Variants in FGF14 observed in about 807,000 individuals in gnomAD.
FGF14 encodes the protein fibroblast growth factor homologous factor 4.
Under a neutral mutation model 25.5 loss-of-function variants are expected in FGF14, and 5 were observed. The ratio of observed to expected loss-of-function variants is 0.20; its 90% CI spans 0.10 to 0.41. The LOEUF is 0.41. Ranked by LOEUF, FGF14 falls within the 10% of genes least tolerant of loss-of-function variation. The probability of loss-of-function intolerance (pLI) is 1.00; values close to 1 mark genes in which losing one functional copy is unlikely to be tolerated. For synonymous variants in FGF14, 138 were observed against 118.3 expected (o/e 1.17, Z -1.08); for missense variants, 222 against 320.1 (o/e 0.69, Z 2.34).
chr13:101,927,499 G>A (rs986415504), intron 1 of FGF14, among the ~76,000 whole-genome samples: 8 of 152,190 alleles, frequency 5.3e-5, no homozygotes, highest in African/African-American at 1.7e-4. Context: ...ATTCATTTAT[G>A]TCATGGGTAT....
chr13:102,243,916 C>T (rs150533147), intron 1 of FGF14, among the ~76,000 whole-genome samples: 67 of 152,082 alleles, frequency 4.4e-4, no homozygotes, highest in African/African-American at 1.5e-3. Context: ...TTTCAAGTCC[C>T]GCTCAGGTTT....
intron 1 of FGF14, among the ~76,000 whole-genome samples, chr13:101,901,168 T>G (rs1198656068): frequency 6.6e-6 from 1 of 151,654 alleles, no homozygotes. Flanking sequence ...TCAAATTTTA[T>G]GAAACAAGAA....
At chr13:101,861,126 T>C (rs2044393945) in intron 3 of FGF14, among the ~76,000 whole-genome samples, 1 of 152,144 alleles carries the variant, frequency 6.6e-6, no homozygotes, top group African/African-American at 2.4e-5. Context: ...CATATTCATC[T>C]TTGTCTCACA....
intron 1 of FGF14, among the ~76,000 whole-genome samples, chr13:102,368,833 G>GT (rs2057791689): frequency 6.6e-6 from 1 of 152,220 alleles, no homozygotes; most frequent in Admixed American, 6.5e-5. Context: ...AAGGAACTAT[G>GT]TAAGATGTGT....
chr13:102,248,561 G>C (rs1594574676), intron 1 of FGF14, among the ~76,000 whole-genome samples: 1 of 152,106 alleles, frequency 6.6e-6, no homozygotes, highest in African/African-American at 2.4e-5. Flanking sequence ...CATAGTGTTT[G>C]TATAAAAGGA....
In FGF14 at chr13:101,716,463, A is replaced by G. The variant is rs1334357238; in HGVS notation, c.*6368T>C. 1 of 152,198 alleles carries G rather than the reference A, an allele frequency of 6.6e-6. No individual in the cohort carries two copies. Among genetic ancestry groups the G allele is most frequent in the African/African-American group, 2.4e-5 (1 of 41,460 alleles). The allele number at this position is 152,198 out of a possible 1,614,324, so 9.4% of individuals were successfully genotyped here. A position where few individuals can be genotyped will look rare whatever the true frequency, so the allele number is the denominator to read the frequency against. ...TTGTTTATACTCTGTGTCAGTATAT[A>G]TATCTACTGATAATTAAAAATGAAT... On this transcript the variant is annotated 3_prime_UTR_variant, in exon 5 of 5. Coordinates refer to ENST00000376143, the MANE Select transcript of FGF14 (RefSeq NM_004115.4).
intron 1 of FGF14, among the ~76,000 whole-genome samples, chr13:101,894,116 T>C (rs1431136503): frequency 6.6e-6 from 1 of 152,092 alleles, no homozygotes; most frequent in Non-Finnish European, 1.5e-5. Flanking sequence ...GCATTTGGAA[T>C]AGCCCTTTAG....
At chr13:102,252,161 G>A (rs7338421) in intron 1 of FGF14, among the ~76,000 whole-genome samples, 23,966 of 152,148 alleles carry the variant, frequency 0.16, 2,066 homozygotes, top group Non-Finnish European at 0.2. Flanking sequence ...AGCCACTTGC[G>A]AAATGTAGGT....
rs79921076 is a variant in FGF14 at position 102,390,057 on chromosome 13, C to T, written c.208+11414G>A. On this transcript the variant is annotated intron_variant, in intron 1 of 4. Coordinates refer to the FGF14 transcript ENST00000376131. ...ACGTCTAACATGCAATGTCATATCCCGGAAACAATATGTTGAGTGAAAAAG... is the reference window on the plus strand; with the variant it reads ...ACGTCTAACATGCAATGTCATATCCTGGAAACAATATGTTGAGTGAAAAAG... Among the ~76,000 whole-genome samples the T allele has an allele frequency of 5.5e-3, 830 of 152,184 alleles. 11 individuals carry two copies. The highest frequency in any genetic ancestry group is 0.019 in the African/African-American group (790 of 41,512).
At chr13:102,069,579 C>T (rs2043068557) in intron 1 of FGF14, among the ~76,000 whole-genome samples, 1 of 151,932 alleles carries the variant, frequency 6.6e-6, no homozygotes, top group Non-Finnish European at 1.5e-5. Context: ...CCAGCGAGAC[C>T]ACAAGCCCAC....
intron 1 of FGF14, among the ~76,000 whole-genome samples, chr13:102,280,369 C>T (rs926828345): frequency 2.0e-4 from 30 of 152,180 alleles, no homozygotes; most frequent in African/African-American, 7.2e-4. Flanking sequence ...GGGAGTATGA[C>T]CCAAGGAAAT....
At chr13:102,348,286 C>A (rs2057172544) in intron 1 of FGF14, among the ~76,000 whole-genome samples, 1 of 152,106 alleles carries the variant, frequency 6.6e-6, no homozygotes, top group African/African-American at 2.4e-5. Flanking sequence ...TGTAACCTAG[C>A]CTTAAGGAAC....
intron 1 of FGF14, among the ~76,000 whole-genome samples, chr13:102,238,968 C>G (rs79023051): frequency 0.022 from 3,339 of 152,122 alleles, 63 homozygotes; most frequent in Middle Eastern, 0.037. Context: ...CCTATGTTGC[C>G]TATCTGCTTA....
intron 1 of FGF14, among the ~76,000 whole-genome samples, chr13:101,888,429 C>T (rs998105890): frequency 6.6e-6 from 1 of 152,092 alleles, no homozygotes; most frequent in Non-Finnish European, 1.5e-5. Flanking sequence ...TATACATACA[C>T]ATAAATATAT....
intron 1 of FGF14, among the ~76,000 whole-genome samples, chr13:102,034,923 G>A (rs144989554): frequency 6.4e-4 from 97 of 152,178 alleles, no homozygotes; most frequent in African/African-American, 2.2e-3. Flanking sequence ...TGCAAATGAG[G>A]CACCTGATGT....
intron 1 of FGF14, among the ~76,000 whole-genome samples, chr13:102,036,029 A>G (rs2041455231): frequency 6.6e-6 from 1 of 152,164 alleles, no homozygotes; most frequent in South Asian, 2.1e-4. Flanking sequence ...AAAGAGTAAC[A>G]GCTACAGGCT....
intron 1 of FGF14, chr13:102,395,092 A>G (rs1253577333): frequency 6.6e-6 from 1 of 152,284 alleles, no homozygotes; most frequent in Non-Finnish European, 1.5e-5. Context: ...GGAGCTGCGA[A>G]GTTGGAAGAT....
intron 3 of FGF14, among the ~76,000 whole-genome samples, chr13:101,835,896 T>C (rs1426653656): frequency 6.6e-6 from 1 of 152,020 alleles, no homozygotes; most frequent in African/African-American, 2.4e-5. Context: ...GGTCTGACTG[T>C]TGCTGGAAGA....
At chr13:102,040,574 A>T (rs777669144) in intron 1 of FGF14, among the ~76,000 whole-genome samples, 19 of 152,196 alleles carry the variant, frequency 1.2e-4, no homozygotes, top group Non-Finnish European at 2.8e-4. Context: ...AATACAGTGA[A>T]ACGCTAGGAA....
Sources: allele counts gnomAD v4.1 joint callset (sites outside exome capture counted in the v4.1 genomes callset), GRCh38; gene constraint gnomAD v4.1.1; transcripts MANE v1.5; gene names NCBI Gene and HGNC (gene_info 2026-07-23, HGNC 2026-07-21).